The following TBC1D32 variants were observed in gnomAD, a reference collection of about 807,000 sequenced individuals.
The protein encoded by TBC1D32 is TBC1 domain family member 32, also known as protein broad-minded.
A neutral mutation model predicts 170.3 loss-of-function variants in TBC1D32; 151 were observed. The observed-to-expected ratio is 0.89, with a 90% CI of 0.78 to 1.01. The LOEUF is 1.01. Ranked by LOEUF, TBC1D32 falls within the 50% of genes least tolerant of loss-of-function variation. The pLI, the probability that TBC1D32 is intolerant of heterozygous loss-of-function variation, is 0.00. For missense variants in TBC1D32, 1,464 were observed against 1,457.1 expected (o/e 1.00, Z -0.08); for synonymous variants, 498 against 488.0 (o/e 1.02, Z -0.27).
intron 1 of TBC1D32, among the ~76,000 whole-genome samples, chr6:121,327,573 A>C (rs1810614283): frequency 6.6e-6 from 1 of 152,244 alleles, no homozygotes; most frequent in Admixed American, 6.5e-5. Context: ...GTGCAAACTC[A>C]GATGCTACAG....
chr6:121,177,233 C>A (rs1170782387), intron 22 of TBC1D32, among the ~76,000 whole-genome samples: 2 of 152,088 alleles, frequency 1.3e-5, no homozygotes, highest in Non-Finnish European at 2.9e-5. Context: ...GTGAATTTCT[C>A]AATGGTTTAG....
At chr6:121,176,169 G>C (rs1787736355) in intron 22 of TBC1D32, among the ~76,000 whole-genome samples, 1 of 152,060 alleles carries the variant, frequency 6.6e-6, no homozygotes, top group African/African-American at 2.4e-5. Flanking sequence ...TTAACAAGCA[G>C]TGAAAAAAAT....
intron 30 of TBC1D32, among the ~76,000 whole-genome samples, chr6:121,097,349 A>C (rs1002436578): frequency 1.3e-5 from 2 of 152,336 alleles, no homozygotes; most frequent in Admixed American, 6.5e-5. Context: ...AAAAATTTAC[A>C]AGAAAAAACA....
chr6:121,236,167 A>C (rs1047123899), intron 20 of TBC1D32, among the ~76,000 whole-genome samples: 1 of 148,534 alleles, frequency 6.7e-6, no homozygotes, highest in Non-Finnish European at 1.5e-5. Flanking sequence ...TGTATGAGCT[A>C]TACCTCTTTG....
intron 17 of TBC1D32, among the ~76,000 whole-genome samples, chr6:121,253,804 G>T (rs1329097458): frequency 6.6e-6 from 1 of 152,106 alleles, no homozygotes; most frequent in Admixed American, 6.5e-5. Flanking sequence ...AAACTAGTAC[G>T]ACCACTATTG....
chr6:121,272,136 C>A (rs962594967), intron 15 of TBC1D32, among the ~76,000 whole-genome samples: 4 of 152,100 alleles, frequency 2.6e-5, no homozygotes, highest in African/African-American at 9.7e-5. Flanking sequence ...AAATGTTAGA[C>A]CTAAAACCAT....
At chr6:121,139,013 T>A (rs372082435) in intron 24 of TBC1D32, among the ~76,000 whole-genome samples, 1 of 151,848 alleles carries the variant, frequency 6.6e-6, no homozygotes, top group Non-Finnish European at 1.5e-5. Flanking sequence ...CCTGGCTAAT[T>A]TTTTTTGTAT....
At chr6:121,331,278 G>A (rs1811178775) in intron 1 of TBC1D32, among the ~76,000 whole-genome samples, 2 of 151,912 alleles carry the variant, frequency 1.3e-5, no homozygotes, top group African/African-American at 2.4e-5. Context: ...GCACGATCTC[G>A]GCTCACTGCA....
At chr6:121,244,196 T>C (rs1252720239) in intron 17 of TBC1D32, among the ~76,000 whole-genome samples, 1 of 151,646 alleles carries the variant, frequency 6.6e-6, no homozygotes, top group Non-Finnish European at 1.5e-5. Flanking sequence ...ATTTATATAA[T>C]AAATAAATAT....
chr6:121,194,168 A>C (rs972616444), intron 22 of TBC1D32, among the ~76,000 whole-genome samples: 24 of 152,154 alleles, frequency 1.6e-4, no homozygotes, highest in African/African-American at 9.7e-5. Context: ...GTTTTAGCTC[A>C]CGTTGACTTA....
chr6:121,269,351 C>CT (rs1168945080), intron 15 of TBC1D32, among the ~76,000 whole-genome samples: 1 of 152,022 alleles, frequency 6.6e-6, no homozygotes, highest in African/African-American at 2.4e-5. Context: ...CATCAGTGTG[C>CT]TATATTCAGG....
At chr6:121,258,149 C>T (rs978742215) in intron 15 of TBC1D32, among the ~76,000 whole-genome samples, 4 of 151,980 alleles carry the variant, frequency 2.6e-5, no homozygotes, top group South Asian at 4.2e-4. Flanking sequence ...ATCTTAGTTC[C>T]TTATGACATT....
chr6:121,278,529 A>T (rs539656256), intron 15 of TBC1D32, among the ~76,000 whole-genome samples: 1 of 152,254 alleles, frequency 6.6e-6, no homozygotes, highest in South Asian at 2.1e-4. Context: ...ATTCCTAGAC[A>T]CAATCTGATG....
intron 22 of TBC1D32, among the ~76,000 whole-genome samples, chr6:121,174,168 T>G (rs1367069958): frequency 6.6e-6 from 1 of 152,054 alleles, no homozygotes; most frequent in Non-Finnish European, 1.5e-5. Flanking sequence ...AATGAAAGTA[T>G]AATTGCAAAC....
intron 9 of TBC1D32, 150 bp from the exon 10 acceptor site, chr6:121,299,655 C>T (rs938195409): frequency 2.7e-6 from 2 of 745,444 alleles, no homozygotes; most frequent in Non-Finnish European, 2.0e-6. Context: ...TTTATGTGTG[C>T]ATTGTATTAG....
chr6:121,268,236 G>C (rs1019276771), intron 15 of TBC1D32, among the ~76,000 whole-genome samples: 3 of 152,228 alleles, frequency 2.0e-5, no homozygotes, highest in Non-Finnish European at 2.9e-5. Context: ...GCCAGCAACA[G>C]AACAAAGCTG....
intron 12 of TBC1D32, among the ~76,000 whole-genome samples, chr6:121,286,331 C>A (rs9375019): frequency 6.6e-6 from 1 of 151,984 alleles, no homozygotes; most frequent in Non-Finnish European, 1.5e-5. Context: ...ACGAGAACTA[C>A]GTGACGAATG....
intron 31 of TBC1D32, among the ~76,000 whole-genome samples, chr6:121,088,143 T>C (rs1197095898): frequency 1.3e-5 from 2 of 151,842 alleles, no homozygotes; most frequent in African/African-American, 4.8e-5. Context: ...TTGGTAGAGA[T>C]GGGATTTTGC....
chr6:121,115,141 T>C, intron 27 of TBC1D32, 31 bp downstream of exon 27: 1 of 1,539,858 alleles, frequency 6.5e-7, no homozygotes, highest in Non-Finnish European at 8.8e-7. Flanking sequence ...ATTCTAGAAA[T>C]GCACAAGGGA....
Sources: allele counts gnomAD v4.1 joint callset (sites outside exome capture counted in the v4.1 genomes callset), GRCh38; gene constraint gnomAD v4.1.1; transcripts MANE v1.5; gene names NCBI Gene and HGNC (gene_info 2026-07-23, HGNC 2026-07-21).